ITPK1: variants seen among roughly 807,000 people sequenced by gnomAD.
ITPK1 encodes the protein inositol 1,3,4-trisphosphate 5/6-kinase.
A neutral mutation model predicts 45.3 loss-of-function variants in ITPK1; 21 were observed. That is an observed-to-expected ratio of 0.46 (90% confidence interval 0.33 to 0.67). The LOEUF is 0.67. ITPK1 is among the 30% of genes least tolerant of loss of function. The pLI is 0.02. For missense variants in ITPK1, 474 were observed against 573.5 expected, an observed-to-expected ratio of 0.83 and a Z score of 1.77; for synonymous variants, 258 against 253.6, an observed-to-expected ratio of 1.02 and a Z score of -0.16.
chr14:93,013,720 C>CT (rs1278984941), intron 4 of ITPK1, among the ~76,000 whole-genome samples: 3 of 152,206 alleles, frequency 2.0e-5, no homozygotes, highest in African/African-American at 7.2e-5. Context: ...TATAGCATCC[C>CT]TATCCCTCCC....
chr14:92,940,712 G>A lies in ITPK1; in HGVS notation c.*849C>T. 7.8e-7 allele frequency: 1 copy of A among 1,288,612 alleles called. No individual in the cohort carries two copies. The highest frequency in any genetic ancestry group is 1.0e-6 in the Non-Finnish European group (1 of 988,516). The allele number at this position is 1,288,612 out of a possible 1,614,324, so 79.8% of individuals were successfully genotyped here. On this transcript the variant is annotated 3_prime_UTR_variant, in exon 11 of 11. Transcript: ENST00000267615. ...GCTCTCTGATCTCAAATGTCCACTA[G>A]AGACAAGGGGGTGGAGGCCCAAAGA...
At chr14:93,027,117 G>A (rs2139880241) in intron 3 of ITPK1, among the ~76,000 whole-genome samples, 1 of 152,322 alleles carries the variant, frequency 6.6e-6, no homozygotes, top group Non-Finnish European at 1.5e-5. Flanking sequence ...TATGCACAGA[G>A]TATCTTGGGA....
chr14:93,074,357 A>C (rs1327080030), intron 3 of ITPK1, among the ~76,000 whole-genome samples: 1 of 152,112 alleles, frequency 6.6e-6, no homozygotes, highest in African/African-American at 2.4e-5. Flanking sequence ...TGTTCCTCCC[A>C]CAGACCGAGC....
At chr14:93,028,704 C>A (rs1429252244) in intron 3 of ITPK1, among the ~76,000 whole-genome samples, 1 of 152,228 alleles carries the variant, frequency 6.6e-6, no homozygotes, top group Non-Finnish European at 1.5e-5. Context: ...AGCTCTCAGA[C>A]CCTCCGGAAC....
rs80073347 is a variant in ITPK1 at position 93,045,241 on chromosome 14, C to T, written c.121-28440G>A. 6.4e-3 allele frequency among the ~76,000 whole-genome samples: 968 copies of T among 152,342 alleles called. 10 individuals are homozygous for T. Among genetic ancestry groups the T allele is most frequent in the African/African-American group, 0.022 (920 of 41,588 alleles). Reference sequence around the variant, plus strand: ...CTGGGCAAGACCTCAGGCCCCTGTCCCTGCCAGTCAGCAGCTCTGCCTCCC... The same window carrying T: ...CTGGGCAAGACCTCAGGCCCCTGTCTCTGCCAGTCAGCAGCTCTGCCTCCC... On this transcript the variant is annotated intron_variant, in intron 3 of 10. Coordinates refer to ENST00000267615, the MANE Select transcript of ITPK1 (RefSeq NM_014216.6).
intron 7 of ITPK1, among the ~76,000 whole-genome samples, chr14:92,961,964 A>G (rs1208770098): frequency 1.3e-5 from 2 of 152,260 alleles, no homozygotes; most frequent in East Asian, 3.9e-4. Flanking sequence ...AGCCCTCACC[A>G]GAAACTGACC....
chr14:92,960,277 C>T (rs1313771489), intron 7 of ITPK1, among the ~76,000 whole-genome samples: 16 of 152,166 alleles, frequency 1.1e-4, no homozygotes. Context: ...TGACCCCATA[C>T]TTGAGGGCTG....
At chr14:92,942,092 GC>G (rs1217219053) in intron 10 of ITPK1, among the ~76,000 whole-genome samples, 188 bp from the exon 11 acceptor site, 2 of 152,166 alleles carry the variant, frequency 1.3e-5, no homozygotes, top group Non-Finnish European at 2.9e-5. Context: ...AAGCTTGGAC[GC>G]CCAACCAGGT....
chr14:93,001,665 G>A (rs1887360976), intron 4 of ITPK1, among the ~76,000 whole-genome samples: 2 of 152,172 alleles, frequency 1.3e-5, no homozygotes, highest in South Asian at 4.1e-4. Context: ...ACTAACACCA[G>A]TGATTCTACC....
chr14:93,078,965 G>A (rs1891333215), intron 2 of ITPK1, among the ~76,000 whole-genome samples: 2 of 151,892 alleles, frequency 1.3e-5, no homozygotes, highest in Non-Finnish European at 1.5e-5. Flanking sequence ...CGGTGACAGA[G>A]GAGCGCAGAC....
intron 5 of ITPK1, among the ~76,000 whole-genome samples, chr14:92,963,907 G>T (rs1254747556): frequency 6.6e-6 from 1 of 152,196 alleles, no homozygotes; most frequent in African/African-American, 2.4e-5. Flanking sequence ...CTGAGTGTGA[G>T]CGGGGCGGGG....
At chr14:92,977,485 GC>G (rs1473661003) in intron 5 of ITPK1, among the ~76,000 whole-genome samples, 3 of 152,214 alleles carry the variant, frequency 2.0e-5, no homozygotes, top group Admixed American at 6.5e-5. Context: ...TTCTAAGCCA[GC>G]CGACGTGGTT....
At chr14:92,986,523 G>C (rs1470101654) in intron 5 of ITPK1, among the ~76,000 whole-genome samples, 5 of 152,232 alleles carry the variant, frequency 3.3e-5, no homozygotes, top group Non-Finnish European at 1.5e-5. Flanking sequence ...GATGTCATTG[G>C]GAGAGTACCT....
chr14:93,019,569 G>T (rs1164325123), intron 3 of ITPK1, among the ~76,000 whole-genome samples: 2 of 152,194 alleles, frequency 1.3e-5, no homozygotes, highest in African/African-American at 4.8e-5. Flanking sequence ...GCCGCCTCTC[G>T]CTGTGGCGTC....
At chr14:92,976,655 C>A (rs755694398) in intron 5 of ITPK1, among the ~76,000 whole-genome samples, 2 of 152,240 alleles carry the variant, frequency 1.3e-5, no homozygotes, top group African/African-American at 2.4e-5. Context: ...GTGTGCTCTG[C>A]GCCATCAACA....
chr14:92,946,682 G>A (rs1280578155), intron 9 of ITPK1, among the ~76,000 whole-genome samples, 189 bp from the exon 10 acceptor site: 1 of 152,350 alleles, frequency 6.6e-6, no homozygotes, highest in Non-Finnish European at 1.5e-5. Flanking sequence ...CGCCAGGCAC[G>A]AGGTGTGTGA....
At chr14:93,094,046 C>T (rs540781864) in intron 2 of ITPK1, among the ~76,000 whole-genome samples, 1 of 152,394 alleles carries the variant, frequency 6.6e-6, no homozygotes, top group South Asian at 2.1e-4. Flanking sequence ...CTCGGCTCCA[C>T]CGCTCCCGGG....
Position 92,940,822 on chromosome 14 carries a change from C to T in ITPK1, c.*739G>A, listed in dbSNP as rs535798296. The T allele has an allele frequency of 8.2e-5, 105 of 1,286,906 alleles. No individual in the cohort carries two copies. The highest frequency in any genetic ancestry group is 2.9e-4 in the African/African-American group (19 of 65,960). 79.7% of individuals were successfully genotyped at this position (1,286,906 alleles called of 1,614,324 possible). ...GCCTCCAGCCAGGCAGCCTCCTTCCCGGGCTCCAGGGAGCAGCAGTGCTGG... is the reference window on the plus strand; with the variant it reads ...GCCTCCAGCCAGGCAGCCTCCTTCCTGGGCTCCAGGGAGCAGCAGTGCTGG... On this transcript the variant is annotated 3_prime_UTR_variant, in exon 11 of 11. Coordinates refer to ENST00000267615, the MANE Select transcript of ITPK1 (RefSeq NM_014216.6).
In ITPK1 at chr14:92,938,871, G is replaced by A; in HGVS notation, c.*2690C>T. Reference sequence around the variant, plus strand: ...AGGCAGAACTTGACCCACGGCCTCAGCCCCAGGGTGCTCAATGCAGACTGT... The same window carrying A: ...AGGCAGAACTTGACCCACGGCCTCAACCCCAGGGTGCTCAATGCAGACTGT... On this transcript the variant is annotated 3_prime_UTR_variant, in exon 11 of 11. Coordinates refer to ENST00000267615, the MANE Select transcript of ITPK1 (RefSeq NM_014216.6). The A allele has an allele frequency of 2.5e-6, 1 of 406,782 alleles. No individual in the cohort carries two copies. Among genetic ancestry groups the A allele is most frequent in the South Asian group, 2.8e-5 (1 of 36,194 alleles). The allele number at this position is 406,782 out of a possible 1,614,324, so 25.2% of individuals were successfully genotyped here. A position where few individuals can be genotyped will look rare whatever the true frequency, so the allele number is the denominator to read the frequency against.
Sources: gnomAD v4.1 joint callset for allele counts (sites outside exome capture counted in the v4.1 genomes callset) on GRCh38, gnomAD v4.1.1 for gene constraint, MANE v1.5 for transcripts, NCBI Gene and HGNC (gene_info 2026-07-23, HGNC 2026-07-21) for gene names.